The following ETV1 variants were observed in gnomAD, a reference collection of about 807,000 sequenced individuals.
ETV1 encodes ETS translocation variant 1.
A neutral mutation model predicts 62.3 loss-of-function variants in ETV1; 27 were observed. The observed-to-expected ratio is 0.43, with a 90% CI of 0.32 to 0.60. The LOEUF is 0.60. ETV1 is among the 20% of genes least tolerant of loss of function. The probability of loss-of-function intolerance (pLI) is 0.06; values close to 1 mark genes in which losing one functional copy is unlikely to be tolerated. For synonymous variants in ETV1, 222 were observed against 199.6 expected, an observed-to-expected ratio of 1.11 and a Z score of -0.94; for missense variants, 605 against 605.8, an observed-to-expected ratio of 1.00 and a Z score of 0.01.
At chr7:13,935,667 C>T (rs369114911) in intron 8 of ETV1, 41 bp downstream of exon 8, 86 of 1,556,690 alleles carry the variant, frequency 5.5e-5, no homozygotes, top group Middle Eastern at 5.1e-4. Context: ...TTTCCAAGAA[C>T]GCAAAAAACA....
chr7:13,942,060 T>G lies in ETV1; in HGVS notation c.236-2814A>C, dbSNP rs112414554. 9.2e-3 allele frequency among the ~76,000 whole-genome samples: 1,339 copies of G among 144,954 alleles called. 27 individuals carry two copies. Among genetic ancestry groups the G allele is most frequent in the African/African-American group, 0.032 (1,272 of 39,484 alleles). On this transcript the variant is annotated intron_variant, in intron 6 of 13. Coordinates refer to ENST00000430479, the MANE Select transcript of ETV1 (RefSeq NM_004956.5). ...TTTTTTTGAGACGGAGTCTCACTCT[T>G]TCGCCCAGGCTGGAGTGCAGTGGCG...
At position 13,989,388 on chromosome 7, in the gene ETV1, C is replaced by T; in HGVS notation, c.-208G>A. 1 of 473,526 alleles carries T rather than the reference C, an allele frequency of 2.1e-6. No individual in the cohort carries two copies. The allele number at this position is 473,526 out of a possible 1,614,324, so 29.3% of individuals were successfully genotyped here. ...ATGTTTCCCTGCGCGGTCGGTGTAC[C>T]CCGGGCAGCTCTGATTCGCAAACGT... On this transcript the variant is annotated 5_prime_UTR_variant, in exon 2 of 14. Transcript: ENST00000430479.
At chr7:13,973,768 A>T (rs1425776289) in intron 6 of ETV1, among the ~76,000 whole-genome samples, 1 of 152,100 alleles carries the variant, frequency 6.6e-6, no homozygotes, top group Non-Finnish European at 1.5e-5. Flanking sequence ...ATATTCTCTA[A>T]TTAAAGTAAA....
chr7:13,891,615 A>G lies in ETV1; in HGVS notation c.*4251T>C, dbSNP rs1011021657. 7 of 231,934 alleles carry G rather than the reference A, an allele frequency of 3.0e-5. No individual in the cohort carries two copies. The highest frequency in any genetic ancestry group is 6.0e-5 in the Non-Finnish European group (7 of 117,368). The allele number at this position is 231,934 out of a possible 1,614,324, so 14.4% of individuals were successfully genotyped here. On this transcript the variant is annotated 3_prime_UTR_variant, in exon 14 of 14. Transcript: ENST00000430479. ...GTCAAAGTGAGTCTCATGTATATAA[A>G]AAAAGAAGTCCTAAAAGTACTAGTT...
intron 12 of ETV1, among the ~76,000 whole-genome samples, chr7:13,901,856 G>A (rs1450145839): frequency 1.3e-5 from 2 of 152,078 alleles, no homozygotes; most frequent in East Asian, 3.9e-4. Flanking sequence ...TGTCTACTCT[G>A]TTGTTTAATA....
intron 6 of ETV1, among the ~76,000 whole-genome samples, chr7:13,940,384 A>G (rs1374164346): frequency 6.6e-6 from 1 of 151,762 alleles, no homozygotes; most frequent in East Asian, 1.9e-4. Flanking sequence ...AAAAAAAGAA[A>G]AAAAAGAAAA....
chr7:13,926,015 T>G (rs1294195409), intron 9 of ETV1, among the ~76,000 whole-genome samples: 1 of 152,192 alleles, frequency 6.6e-6, no homozygotes, highest in East Asian at 1.9e-4. Context: ...GCTCTTAATT[T>G]GCATGAGTTA....
chr7:13,952,705 T>C (rs1351489336), intron 6 of ETV1, among the ~76,000 whole-genome samples: 1 of 152,016 alleles, frequency 6.6e-6, no homozygotes, highest in Non-Finnish European at 1.5e-5. Flanking sequence ...CTCCCACATT[T>C]CAGTAGGAAA....
intron 12 of ETV1, among the ~76,000 whole-genome samples, chr7:13,903,286 A>T (rs1187254149): frequency 6.6e-6 from 1 of 152,328 alleles, no homozygotes; most frequent in South Asian, 2.1e-4. Flanking sequence ...AAATAAGATA[A>T]TGTAATAGTT....
intron 9 of ETV1, among the ~76,000 whole-genome samples, chr7:13,915,415 A>G (rs1414528062): frequency 6.6e-6 from 1 of 152,214 alleles, no homozygotes; most frequent in Non-Finnish European, 1.5e-5. Context: ...AAAAATACTG[A>G]GTTGTATTAA....
chr7:13,906,713 C>A, intron 11 of ETV1, 114 bp from the exon 12 acceptor site: 1 of 666,830 alleles, frequency 1.5e-6, no homozygotes, highest in East Asian at 3.0e-5. Flanking sequence ...ACTTTATGGG[C>A]ATTTATGAAA....
At chr7:13,961,182 T>C (rs1199579183) in intron 6 of ETV1, among the ~76,000 whole-genome samples, 1 of 151,994 alleles carries the variant, frequency 6.6e-6, no homozygotes, top group Non-Finnish European at 1.5e-5. Flanking sequence ...AAAAATCTGT[T>C]ATTATATAAG....
At chr7:13,944,967 A>G (rs1020574829) in intron 6 of ETV1, among the ~76,000 whole-genome samples, 1 of 152,138 alleles carries the variant, frequency 6.6e-6, no homozygotes, top group Non-Finnish European at 1.5e-5. Flanking sequence ...TTCCCAGGAA[A>G]CTACCAGAAG....
intron 13 of ETV1, among the ~76,000 whole-genome samples, chr7:13,896,995 T>C (rs55726390): frequency 0.42 from 64,396 of 151,920 alleles, 13,799 homozygotes; most frequent in African/African-American, 0.46. Context: ...ATGTGACAAC[T>C]GCCTGGAATA....
chr7:13,990,265 T>G (rs1782932510), upstream of ETV1: 1 of 152,214 alleles, frequency 6.6e-6, no homozygotes, highest in Non-Finnish European at 1.5e-5. Context: ...TCAACTAAAA[T>G]TAGATCCTAT....
intron 6 of ETV1, among the ~76,000 whole-genome samples, chr7:13,965,412 CA>C (rs1490814409): frequency 3.3e-5 from 5 of 151,960 alleles, no homozygotes; most frequent in African/African-American, 1.2e-4. Context: ...GAATAATTTT[CA>C]AAAACTATTA....
chr7:13,900,723 G>GT lies in ETV1; in HGVS notation c.1212+14dup. 6.6e-7 allele frequency: 1 copy of GT among 1,524,242 alleles called. No individual in the cohort carries two copies. Among genetic ancestry groups the GT allele is most frequent in the Non-Finnish European group, 9.0e-7 (1 of 1,106,562 alleles). The allele number at this position is 1,524,242 out of a possible 1,614,324, so 94.4% of individuals were successfully genotyped here. ...CAACATTTCAATGAATTTTAATGCT[G>GT]TATTAGCTGCTCACCTTTTGCATAA... On this transcript the variant is annotated intron_variant, in intron 13 of 13. Transcript: ENST00000430479.
At chr7:13,976,134 G>T (rs764973899) in intron 6 of ETV1, among the ~76,000 whole-genome samples, 1 of 152,118 alleles carries the variant, frequency 6.6e-6, no homozygotes, top group Non-Finnish European at 1.5e-5. Context: ...CCTGTATTTA[G>T]ACATCAAACA....
chr7:13,954,626 A>C (rs1789206577), intron 6 of ETV1, among the ~76,000 whole-genome samples: 1 of 152,156 alleles, frequency 6.6e-6, no homozygotes, highest in African/African-American at 2.4e-5. Flanking sequence ...CATTTCACAT[A>C]CTTTTCTTCC....
Sources: allele counts gnomAD v4.1 joint callset (sites outside exome capture counted in the v4.1 genomes callset), GRCh38; gene constraint gnomAD v4.1.1; transcripts MANE v1.5; gene names NCBI Gene and HGNC (gene_info 2026-07-23, HGNC 2026-07-21).